Variants in MFSD12 observed in about 807,000 individuals in gnomAD.
The protein encoded by MFSD12 is major facilitator superfamily domain containing 12, also known as major facilitator superfamily domain-containing protein 12.
In MFSD12, 67 loss-of-function variants were observed where a neutral mutation model predicts 51.2. The ratio of observed to expected loss-of-function variants is 1.31; its 90% CI spans 1.08 to 1.60. The LOEUF is 1.60. MFSD12 is among the 40% of genes most tolerant of loss of function. The pLI, the probability that MFSD12 is intolerant of heterozygous loss-of-function variation, is 0.00. For synonymous variants in MFSD12, 441 were observed against 316.7 expected, an observed-to-expected ratio of 1.39 and a Z score of -4.17; for missense variants, 921 against 673.0, an observed-to-expected ratio of 1.37 and a Z score of -4.08.
intron 1 of MFSD12, among the ~76,000 whole-genome samples, chr19:3,555,378 G>T (rs918594255): frequency 5.9e-5 from 9 of 152,092 alleles, no homozygotes; most frequent in African/African-American, 2.2e-4. Flanking sequence ...GGATGACAGG[G>T]GTGAGCCACC....
chr19:3,544,690 G>A lies in MFSD12; in HGVS notation c.*20C>T, dbSNP rs2030796408. On this transcript the variant is annotated 3_prime_UTR_variant, in exon 10 of 10. Transcript: ENST00000355415. ...GCGTCCCCACAGTTCCCTTGCACAGGTGCAGGAGGCTGTCAGGAGTCAGGG... is the reference window on the plus strand; with the variant it reads ...GCGTCCCCACAGTTCCCTTGCACAGATGCAGGAGGCTGTCAGGAGTCAGGG... The A allele has an allele frequency of 6.3e-6, 10 of 1,592,608 alleles. No homozygotes were observed. The highest frequency in any genetic ancestry group is 8.6e-6 in the Non-Finnish European group (10 of 1,167,964).
chr19:3,544,695 G>A lies in MFSD12; in HGVS notation c.*15C>T, dbSNP rs756376536. 6 of 1,595,300 alleles carry A rather than the reference G, an allele frequency of 3.8e-6. No homozygotes were observed. The highest frequency in any genetic ancestry group is 1.7e-4 in the Middle Eastern group (1 of 5,922). The stretch of plus-strand genomic sequence containing the variant: ...CCCACAGTTCCCTTGCACAGGTGCA[G>A]GAGGCTGTCAGGAGTCAGGGCCGGG... On this transcript the variant is annotated 3_prime_UTR_variant, in exon 10 of 10. Coordinates refer to ENST00000355415, the MANE Select transcript of MFSD12 (RefSeq NM_174983.5).
At chr19:3,553,728 C>CAAAAAAA (rs35093968) in intron 1 of MFSD12, among the ~76,000 whole-genome samples, 1 of 61,318 alleles carries the variant, frequency 1.6e-5, no homozygotes, top group Non-Finnish European at 2.7e-5. Context: ...CTCCATCTCT[C>CAAAAAAA]AAAAAAAAAA....
Position 3,548,411 on chromosome 19 carries a change from A to G in MFSD12, c.510-144T>C, listed in dbSNP as rs2031257532. 2.7e-6 allele frequency: 3 copies of G among 1,120,252 alleles called. No homozygotes were observed. In the East Asian group the frequency reaches 7.9e-5, roughly 29 times the overall value. 69.4% of individuals were successfully genotyped at this position (1,120,252 alleles called of 1,614,324 possible). A position where few individuals can be genotyped will look rare whatever the true frequency, so the allele number is the denominator to read the frequency against. ...ACTGCCACACTGGGTGGCCTCCAGGAAGCCCGTGCTGGCCTCAGTTTCCCC... is the reference window on the plus strand; with the variant it reads ...ACTGCCACACTGGGTGGCCTCCAGGGAGCCCGTGCTGGCCTCAGTTTCCCC... On this transcript the variant is annotated intron_variant, in intron 2 of 9. Transcript: ENST00000355415.
At chr19:3,546,850 G>A (rs777155052) in intron 6 of MFSD12, among the ~76,000 whole-genome samples, 3 of 151,462 alleles carry the variant, frequency 2.0e-5, no homozygotes, top group Non-Finnish European at 4.4e-5. Context: ...TTTTTTTTCT[G>A]GAGACAAGAG....
downstream of MFSD12, chr19:3,542,336 C>T (rs1300085157): frequency 2.8e-5 from 28 of 985,262 alleles, no homozygotes; most frequent in South Asian, 1.4e-4. Flanking sequence ...GAGCTGGAAC[C>T]GGGCTTTCCG....
At chr19:3,542,825 C>A (rs1284495506), downstream of MFSD12, 4 of 1,374,642 alleles carry the variant, frequency 2.9e-6, no homozygotes, top group South Asian at 3.4e-5. Flanking sequence ...TTAGTGCCAG[C>A]CCCAGACCAC....
At chr19:3,545,050 C>T (rs1035544372) in intron 8 of MFSD12, 111 bp from the exon 9 acceptor site, 5 of 1,409,920 alleles carry the variant, frequency 3.5e-6, no homozygotes, top group African/African-American at 1.4e-5. Flanking sequence ...CTGTCCAATC[C>T]AGGAGCTGGG....
At chr19:3,545,403 C>G (rs893797561) in intron 8 of MFSD12, among the ~76,000 whole-genome samples, 1 of 151,058 alleles carries the variant, frequency 6.6e-6, no homozygotes, top group Admixed American at 6.5e-5. Context: ...CCCTCCCCTC[C>G]TCCCTCTACT....
rs2030767724 is a variant in MFSD12, at chr19:3,544,475, C to G, written c.*235G>C. ...GGGGCACCCCAAATCCTCCAGAGGGCTGGGATGGATTAGAGTTGAGAATGG... is the reference window on the plus strand; with the variant it reads ...GGGGCACCCCAAATCCTCCAGAGGGGTGGGATGGATTAGAGTTGAGAATGG... On this transcript the variant is annotated 3_prime_UTR_variant, in exon 10 of 10. Transcript: ENST00000355415. 1.5e-6 allele frequency: 2 copies of G among 1,374,956 alleles called. No individual in the cohort carries two copies. The highest frequency in any genetic ancestry group is 1.9e-6 in the Non-Finnish European group (2 of 1,066,790). The allele number at this position is 1,374,956 out of a possible 1,614,324, so 85.2% of individuals were successfully genotyped here. A position where few individuals can be genotyped will look rare whatever the true frequency, so the allele number is the denominator to read the frequency against.
downstream of MFSD12, chr19:3,542,357 A>T: frequency 4.1e-6 from 4 of 985,384 alleles, no homozygotes; most frequent in Non-Finnish European, 4.8e-6. Flanking sequence ...TGCAGGGCAG[A>T]TGAGATTGTT....
intron 6 of MFSD12, among the ~76,000 whole-genome samples, chr19:3,547,022 T>C (rs1303553526): frequency 3.3e-5 from 5 of 152,164 alleles, no homozygotes; most frequent in African/African-American, 7.2e-5. Flanking sequence ...GTATCTTTAG[T>C]AGAGACGGGG....
At chr19:3,544,172 C>T, downstream of MFSD12, 7 of 1,372,750 alleles carry the variant, frequency 5.1e-6, no homozygotes, top group South Asian at 7.4e-5. Context: ...TGCCCAGAGC[C>T]CCCCCGCAGG....
rs2031801855 is a variant in MFSD12 at position 3,557,556 on chromosome 19, T to C, written c.-153A>G. The C allele has an allele frequency of 3.3e-6, 1 of 301,254 alleles. No individual in the cohort carries two copies. Among genetic ancestry groups the C allele is most frequent in the African/African-American group, 2.2e-5 (1 of 44,956 alleles). The allele number at this position is 301,254 out of a possible 1,614,324, so 18.7% of individuals were successfully genotyped here. Reference sequence around the variant, plus strand: ...TCTTACGGCCGCGCCCTCACCCACGTCCGCCGCGTCCGCCCCACGCTCGAC... The same window carrying C: ...TCTTACGGCCGCGCCCTCACCCACGCCCGCCGCGTCCGCCCCACGCTCGAC... On this transcript the variant is annotated 5_prime_UTR_variant, in exon 1 of 10. Transcript: ENST00000355415.
intron 1 of MFSD12, among the ~76,000 whole-genome samples, chr19:3,555,524 G>A (rs533258968): frequency 2.0e-5 from 3 of 152,160 alleles, no homozygotes; most frequent in Admixed American, 6.5e-5. Context: ...AGGGACAGCC[G>A]GTCCCCTCCC....
chr19:3,548,062 C>G (rs766521612), intron 3 of MFSD12, 32 bp from the exon 4 acceptor site: 1 of 1,598,880 alleles, frequency 6.3e-7, no homozygotes, highest in Non-Finnish European at 8.5e-7. Flanking sequence ...TCAGTGGTGG[C>G]GGGCCCAGCC....
intron 6 of MFSD12, 22 bp from the exon 7 acceptor site, chr19:3,546,447 C>G: frequency 3.1e-6 from 5 of 1,589,874 alleles, no homozygotes; most frequent in Non-Finnish European, 3.4e-6. Context: ...GCCCCGGGGT[C>G]AGGCCCACAC....
intron 1 of MFSD12, among the ~76,000 whole-genome samples, chr19:3,554,197 G>A (rs2031623030): frequency 6.6e-6 from 1 of 152,100 alleles, no homozygotes; most frequent in Admixed American, 6.5e-5. Flanking sequence ...AGCACTGTGG[G>A]GGGCTGAGAC....
Position 3,546,405 on chromosome 19 carries a change from G to A in MFSD12, c.1044C>T (p.Leu348=). 1.9e-6 allele frequency: 3 copies of A among 1,607,388 alleles called. No individual in the cohort carries two copies. Among genetic ancestry groups the A allele is most frequent in the South Asian group, 1.1e-5 (1 of 90,114 alleles). The change falls in exon 7 of 10, where the codon CTC becomes CTT. Residue 348 remains leucine, a synonymous_variant. Coordinates refer to ENST00000355415, the MANE Select transcript of MFSD12 (RefSeq NM_174983.5). ...IGRNMTYFSG[L]LVILAFAAWV... ...AGGCGGCAAAGGCCAGGATCACCAGGAGGCCTGAGAAGTAGGTCATCTGCA... is the reference window on the plus strand; with the variant it reads ...AGGCGGCAAAGGCCAGGATCACCAGAAGGCCTGAGAAGTAGGTCATCTGCA...
Sources: gnomAD v4.1 joint callset for allele counts (sites outside exome capture counted in the v4.1 genomes callset) on GRCh38, gnomAD v4.1.1 for gene constraint, MANE v1.5 for transcripts, NCBI Gene and HGNC (gene_info 2026-07-23, HGNC 2026-07-21) for gene names.